The following COG4 variants were observed in gnomAD, a reference collection of about 807,000 sequenced individuals.
COG4 encodes the protein conserved oligomeric Golgi complex subunit 4.
COG4 carries 65 observed loss-of-function variants against 95.1 expected under a neutral mutation model. The ratio of observed to expected loss-of-function variants is 0.68; its 90% confidence interval spans 0.56 to 0.84. The LOEUF (loss-of-function observed/expected upper bound fraction) is 0.84. COG4 is among the 40% of genes least tolerant of loss of function. The pLI is 0.00. For synonymous variants in COG4, 421 were observed against 374.8 expected (o/e 1.12, Z -1.42); for missense variants, 1,045 against 989.1 (o/e 1.06, Z -0.76).
Position 70,501,070 on chromosome 16 carries a change from A to C in COG4, c.1083T>G (p.Thr361=). The C allele has an allele frequency of 6.2e-7, 1 of 1,613,808 alleles. No homozygotes were observed. The highest frequency in any genetic ancestry group is 8.5e-7 in the Non-Finnish European group (1 of 1,180,010). ...IEPRELDPIL[T]EVTLMNARSE... is the part of the protein sequence containing the mutation. ...TGCGGGCATTCATCAGGGTGACCTCAGTCAGGATGGGGTCCAGTTCTCTGA... is the reference window on the plus strand; with the variant it reads ...TGCGGGCATTCATCAGGGTGACCTCCGTCAGGATGGGGTCCAGTTCTCTGA... The change falls in exon 9 of 19, where the codon ACT becomes ACG. Residue 361 remains threonine, a synonymous_variant. Coordinates refer to ENST00000323786, the MANE Select transcript of COG4 (RefSeq NM_015386.3).
intron 9 of COG4, among the ~76,000 whole-genome samples, chr16:70,500,515 C>A (rs1237235542): frequency 2.6e-5 from 4 of 151,394 alleles, no homozygotes; most frequent in Non-Finnish European, 5.9e-5. Flanking sequence ...TGTATTGCAC[C>A]ACGCTCAGCT....
intron 18 of COG4, 88 bp from the exon 19 acceptor site, chr16:70,481,232 C>A: frequency 6.2e-7 from 1 of 1,608,998 alleles, no homozygotes; most frequent in Non-Finnish European, 8.5e-7. Flanking sequence ...AGCAGGGGCA[C>A]CCGGGAAGGG....
chr16:70,497,888 C>A, intron 10 of COG4, 49 bp downstream of exon 10: 1 of 1,084,168 alleles, frequency 9.2e-7, no homozygotes, highest in Non-Finnish European at 1.4e-6. Flanking sequence ...CTCAGCCTGG[C>A]TTCTTGGACC....
intron 9 of COG4, among the ~76,000 whole-genome samples, chr16:70,499,497 G>C (rs2049404967): frequency 6.6e-6 from 1 of 152,148 alleles, no homozygotes; most frequent in Non-Finnish European, 1.5e-5. Flanking sequence ...TGGGTCTCAA[G>C]TCCCAGCCCA....
chr16:70,497,410 A>G lies in COG4; in HGVS notation c.1315-23T>C, dbSNP rs1356200897. 4 of 1,609,756 alleles carry G rather than the reference A, an allele frequency of 2.5e-6. No individual in the cohort carries two copies. In the East Asian group the frequency reaches 6.7e-5, roughly 27 times the overall value. On this transcript the variant is annotated intron_variant, in intron 10 of 18. Transcript: ENST00000323786. ...AGCCTACCCAAAAGGCAAAGCCAAC[A>G]CTGAGGGTCCCAGTTGTGCATGTCA...
intron 2 of COG4, among the ~76,000 whole-genome samples, chr16:70,518,951 TG>T (rs1340909332): frequency 6.8e-6 from 1 of 146,550 alleles, no homozygotes; most frequent in African/African-American, 2.5e-5. Flanking sequence ...CACTCCAGCC[TG>T]GGGGACAAAA....
intron 1 of COG4, among the ~76,000 whole-genome samples, chr16:70,521,412 T>C (rs2049938794): frequency 1.3e-5 from 2 of 152,032 alleles, no homozygotes; most frequent in East Asian, 1.9e-4. Context: ...GAGACTAACA[T>C]GGTTTCGCCA....
chr16:70,500,365 C>CTT (rs68141616), intron 9 of COG4, among the ~76,000 whole-genome samples: 98 of 96,126 alleles, frequency 1.0e-3, no homozygotes, highest in Non-Finnish European at 1.4e-3. Context: ...ATTATATACT[C>CTT]TTTTTTTTTT....
chr16:70,523,452 T>G lies in COG4; in HGVS notation c.92A>C (p.Glu31Ala). The G allele has an allele frequency of 6.2e-7, 1 of 1,614,094 alleles. No homozygotes were observed. Among genetic ancestry groups the G allele is most frequent in the African/African-American group, 1.3e-5 (1 of 75,036 alleles). Reference protein sequence around the residue: ...SEGVGGGRCSEISAELIRSLT... With the variant: ...SEGVGGGRCSAISAELIRSLT... ...GGAGCGAATGAGCTCAGCGGAGATT[T>G]CGGAGCAGCGGCCACCTCCCACCCC... Residue 31 changes from glutamate (E) to alanine (A), a missense_variant, in exon 1 of 19, where the codon GAA (glutamate) becomes GCA (alanine). Glu to Ala is a moderately radical substitution (Grantham distance 107). Coordinates refer to ENST00000323786, the MANE Select transcript of COG4 (RefSeq NM_015386.3).
chr16:70,512,220 A>T lies in COG4; in HGVS notation c.738+19T>A. The T allele has an allele frequency of 6.2e-7, 1 of 1,612,310 alleles. No homozygotes were observed. On this transcript the variant is annotated intron_variant, in intron 5 of 18. Coordinates refer to ENST00000323786, the MANE Select transcript of COG4 (RefSeq NM_015386.3). ...CAGACAGCCACACAATTATCCTGCCAAGCAATCAGGGTCCATACCTGCTTG... is the reference window on the plus strand; with the variant it reads ...CAGACAGCCACACAATTATCCTGCCTAGCAATCAGGGTCCATACCTGCTTG...
At chr16:70,492,022 T>C (rs2049255411) in intron 12 of COG4, among the ~76,000 whole-genome samples, 1 of 151,966 alleles carries the variant, frequency 6.6e-6, no homozygotes, top group African/African-American at 2.4e-5. Context: ...ACAAATGCAT[T>C]ATATAATGCC....
rs2049336931 is a variant in COG4, at chr16:70,496,258, G to A, written c.1647+8C>T. On this transcript the variant is annotated splice_region_variant and intron_variant, in intron 12 of 18. Coordinates refer to ENST00000323786, the MANE Select transcript of COG4 (RefSeq NM_015386.3). ...ACCAACCCAGCTCGTGAGCTGTGGGGTACCTACCAGGAAGGACATCTTCGC... is the reference window on the plus strand; with the variant it reads ...ACCAACCCAGCTCGTGAGCTGTGGGATACCTACCAGGAAGGACATCTTCGC... The A allele has an allele frequency of 2.5e-6, 4 of 1,613,998 alleles. No individual in the cohort carries two copies. Among genetic ancestry groups the A allele is most frequent in the Non-Finnish European group, 3.4e-6 (4 of 1,180,010 alleles).
Position 70,497,316 on chromosome 16 carries a change from A to C in COG4, c.1386T>G (p.Val462=). Residue 462 remains valine (V), a synonymous_variant, in exon 11 of 19, where the codon GTT becomes GTG. Transcript: ENST00000323786. The part of the protein sequence containing the change: ...SSMVDDVFYI[V]KKCIGRALSS... The stretch of plus-strand genomic sequence containing the variant: ...ACAGAGCCCGCCCAATGCACTTCTT[A>C]ACAATGTAGAAGACATCATCCACCA... The C allele has an allele frequency of 6.2e-7, 1 of 1,614,088 alleles. No individual in the cohort carries two copies. Among genetic ancestry groups the C allele is most frequent in the South Asian group, 1.1e-5 (1 of 91,072 alleles).
At chr16:70,487,212 G>A (rs1353724460) in intron 13 of COG4, among the ~76,000 whole-genome samples, 2 of 151,270 alleles carry the variant, frequency 1.3e-5, no homozygotes, top group Non-Finnish European at 2.9e-5. Flanking sequence ...AATCGCAGAG[G>A]TTGCAGTGAG....
rs759768980 is a variant in COG4, at chr16:70,498,049, T to C, written c.1202A>G (p.Gln401Arg). 1.9e-6 allele frequency: 3 copies of C among 1,606,958 alleles called. No individual in the cohort carries two copies. The highest frequency in any genetic ancestry group is 3.3e-5 in the Admixed American group (2 of 60,010). The change falls in exon 10 of 19, where the codon CAG becomes CGG. Residue 401 changes from glutamine (Q) to arginine (R), a missense_variant. Coordinates refer to ENST00000323786, the MANE Select transcript of COG4 (RefSeq NM_015386.3). Reference sequence around the variant, plus strand: ...ATTGAGGAGTTTGTCCAGACACTTCTGGTGCTCTAGGGGACAGCCAAGAAA... The same window carrying C: ...ATTGAGGAGTTTGTCCAGACACTTCCGGTGCTCTAGGGGACAGCCAAGAAA... ...MASEEVKQEH[Q>R]KCLDKLLNNC... is the part of the protein sequence containing the mutation.
At chr16:70,523,247 G>C in intron 1 of COG4, 126 bp downstream of exon 1, 1 of 1,192,890 alleles carries the variant, frequency 8.4e-7, no homozygotes, top group Non-Finnish European at 1.2e-6. Flanking sequence ...ACTAGCTTCC[G>C]CTTCTTTGTT....
intron 12 of COG4, among the ~76,000 whole-genome samples, chr16:70,490,974 T>C (rs1029827758): frequency 2.0e-5 from 3 of 152,022 alleles, no homozygotes; most frequent in African/African-American, 7.2e-5. Flanking sequence ...TCAGGTCTTC[T>C]TGTACTGTGT....
intron 12 of COG4, among the ~76,000 whole-genome samples, chr16:70,491,243 G>A (rs891468186): frequency 2.6e-5 from 4 of 151,996 alleles, no homozygotes; most frequent in Admixed American, 1.3e-4. Flanking sequence ...GGCCAGGCAC[G>A]GTGGCTCACG....
At position 70,506,618 on chromosome 16, in the gene COG4, C is replaced by CA. The variant is rs1212409898; in HGVS notation, c.1061+1787dup. On this transcript the variant is annotated intron_variant, in intron 8 of 18. Transcript: ENST00000323786. The stretch of plus-strand genomic sequence containing the variant: ...CAAAAAAAAAAAAAAAAAAAAAAAA[C>CA]AAAAAAAAAAACATTTAGCTGGGAG... Among the ~76,000 whole-genome samples the CA allele has an allele frequency of 4.7e-4, 28 of 59,942 alleles. 4 individuals are homozygous for CA. The highest frequency in any genetic ancestry group is 2.3e-3 in the Admixed American group (8 of 3,444). 39.3% of individuals were successfully genotyped at this position (59,942 alleles called of 152,430 possible). A position where few individuals can be genotyped will look rare whatever the true frequency, so the allele number is the denominator to read the frequency against.
Sources: gnomAD v4.1 joint callset for allele counts (sites outside exome capture counted in the v4.1 genomes callset) on GRCh38, gnomAD v4.1.1 for gene constraint, MANE v1.5 for transcripts, NCBI Gene and HGNC (gene_info 2026-07-23, HGNC 2026-07-21) for gene names.